The following FGF12 variants were observed in gnomAD, a reference collection of about 807,000 sequenced individuals.
FGF12 encodes the protein fibroblast growth factor 12.
Under a neutral mutation model 23.6 loss-of-function variants are expected in FGF12, and 14 were observed. That is an observed-to-expected ratio of 0.59 (90% CI 0.39 to 0.93). The LOEUF is 0.93. Among genes scored for constraint, FGF12 ranks in the 40% least tolerant of loss-of-function variants. The pLI, the probability that FGF12 is intolerant of heterozygous loss-of-function variation, is 0.00. For missense variants in FGF12, 175 were observed against 217.8 expected, an observed-to-expected ratio of 0.80 and a Z score of 1.24; for synonymous variants, 62 against 77.3, an observed-to-expected ratio of 0.80 and a Z score of 1.04.
At chr3:192,643,007 A>C (rs1715863872) in intron 2 of FGF12, among the ~76,000 whole-genome samples, 1 of 152,242 alleles carries the variant, frequency 6.6e-6, no homozygotes. Flanking sequence ...TACCAGCAGC[A>C]AATTACCTGG....
chr3:192,712,709 G>C (rs534332249), intron 2 of FGF12, among the ~76,000 whole-genome samples: 77 of 151,886 alleles, frequency 5.1e-4, no homozygotes, highest in African/African-American at 1.8e-3. Context: ...ATATGAAAAG[G>C]CTCAGAAATT....
At chr3:192,244,061 A>T (rs1719757665) in intron 4 of FGF12, among the ~76,000 whole-genome samples, 1 of 152,142 alleles carries the variant, frequency 6.6e-6, no homozygotes, top group Non-Finnish European at 1.5e-5. Flanking sequence ...AAATTACATA[A>T]CTCACTGTGC....
intron 2 of FGF12, among the ~76,000 whole-genome samples, chr3:192,685,918 T>C (rs1717715228): frequency 2.0e-5 from 3 of 152,240 alleles, no homozygotes; most frequent in Admixed American, 6.5e-5. Context: ...TCCAGGAGAA[T>C]ATACTGTAAG....
At chr3:192,227,580 T>TAAA (rs778525112) in intron 4 of FGF12, among the ~76,000 whole-genome samples, 3 of 60,270 alleles carry the variant, frequency 5.0e-5, no homozygotes, top group Non-Finnish European at 7.3e-5. Flanking sequence ...GAACTTAAAG[T>TAAA]AAAAAAAAAA....
intron 2 of FGF12, among the ~76,000 whole-genome samples, chr3:192,700,216 T>G (rs987177311): frequency 2.6e-5 from 4 of 152,174 alleles, no homozygotes; most frequent in African/African-American, 9.7e-5. Flanking sequence ...TCTTCTAAAC[T>G]GCAGTCCAAA....
At chr3:192,216,944 G>GA (rs564821519) in intron 4 of FGF12, among the ~76,000 whole-genome samples, 10 of 152,110 alleles carry the variant, frequency 6.6e-5, no homozygotes, top group Admixed American at 1.3e-4. Context: ...TGAATTAATC[G>GA]AATCAGGAAA....
In FGF12 at chr3:192,143,458, A is replaced by ACATAGTTTAT. The variant is rs1420688220; in HGVS notation, c.*541_*550dup. On this transcript the variant is annotated 3_prime_UTR_variant, in exon 6 of 6. Coordinates refer to ENST00000445105, the MANE Select transcript of FGF12 (RefSeq NM_004113.6). ...CTGGCTATATATTTTATAGGTATTA[A>ACATAGTTTAT]CATAGTTTATAATTTGGAAATGTTC... 1 of 152,216 alleles carries ACATAGTTTAT rather than the reference A, an allele frequency of 6.6e-6. No homozygotes were observed. Among genetic ancestry groups the ACATAGTTTAT allele is most frequent in the African/African-American group, 2.4e-5 (1 of 41,438 alleles). The allele number at this position is 152,216 out of a possible 1,614,324, so 9.4% of individuals were successfully genotyped here. A position where few individuals can be genotyped will look rare whatever the true frequency, so the allele number is the denominator to read the frequency against.
chr3:192,340,921 G>A (rs1009478379), intron 3 of FGF12, among the ~76,000 whole-genome samples: 1 of 152,058 alleles, frequency 6.6e-6, no homozygotes, highest in African/African-American at 2.4e-5. Flanking sequence ...CTTGGATAAC[G>A]AAAAGCACAG....
chr3:192,519,470 C>G (rs998442785), intron 2 of FGF12, among the ~76,000 whole-genome samples: 1 of 152,012 alleles, frequency 6.6e-6, no homozygotes, highest in African/African-American at 2.4e-5. Flanking sequence ...TACATGATGT[C>G]AGTTAGTGGT....
intron 4 of FGF12, among the ~76,000 whole-genome samples, chr3:192,291,154 T>C (rs974688557): frequency 6.6e-6 from 1 of 152,170 alleles, no homozygotes; most frequent in Non-Finnish European, 1.5e-5. Flanking sequence ...TTTACTACTA[T>C]TGAGTAGGAG....
intron 4 of FGF12, among the ~76,000 whole-genome samples, chr3:192,189,562 G>T (rs1252772129): frequency 6.6e-6 from 1 of 152,160 alleles, no homozygotes; most frequent in Non-Finnish European, 1.5e-5. Flanking sequence ...AGTGAAATGA[G>T]CTGTTAGAGT....
chr3:192,472,914 T>C (rs1723213350), intron 2 of FGF12, among the ~76,000 whole-genome samples: 1 of 152,194 alleles, frequency 6.6e-6, no homozygotes, highest in Admixed American at 6.5e-5. Flanking sequence ...ATAATTCCTA[T>C]CCCATTATTC....
chr3:192,515,334 A>C (rs369112783), intron 2 of FGF12: 11 of 151,350 alleles, frequency 7.3e-5, no homozygotes, highest in African/African-American at 2.7e-4. Flanking sequence ...CGGAGGCTGC[A>C]GAGCGTCAGA....
chr3:192,615,516 C>T (rs1714723391), intron 2 of FGF12, among the ~76,000 whole-genome samples: 1 of 151,994 alleles, frequency 6.6e-6, no homozygotes, highest in African/African-American at 2.4e-5. Context: ...CTATCCACTC[C>T]ACCCAAGTGG....
chr3:192,498,736 G>A (rs9820678), intron 2 of FGF12, among the ~76,000 whole-genome samples: 130,313 of 152,214 alleles, frequency 0.86, 56,106 homozygotes, highest in East Asian at 0.91. Context: ...CAGTCTGGAT[G>A]TTGGAGTCCA....
At chr3:192,522,497 C>T (rs1724847011) in intron 2 of FGF12, among the ~76,000 whole-genome samples, 1 of 152,144 alleles carries the variant, frequency 6.6e-6, no homozygotes, top group Admixed American at 6.5e-5. Flanking sequence ...AACCCTCATA[C>T]ATTCTTGGTA....
chr3:192,559,598 A>T (rs1342077025), intron 2 of FGF12, among the ~76,000 whole-genome samples: 1 of 152,050 alleles, frequency 6.6e-6, no homozygotes, highest in Non-Finnish European at 1.5e-5. Context: ...ATACATATGT[A>T]ACAAACCTGC....
At position 192,144,522 on chromosome 3, in the gene FGF12, C is replaced by G. The variant is rs551201564; in HGVS notation, c.428-395G>C. On this transcript the variant is annotated intron_variant, in intron 5 of 5. Transcript: ENST00000445105. ...AAATATTCATTTACATGTTGCTAAT[C>G]TTTACCCTACCATAGGAAATATAAT... is the stretch of plus-strand genomic sequence containing the variant. 2.6e-5 allele frequency among the ~76,000 whole-genome samples: 4 copies of G among 152,230 alleles called. No homozygotes were observed. The East Asian group carries it at 7.7e-4, about 29-fold the overall frequency.
At chr3:192,671,571 C>G (rs1717118001) in intron 2 of FGF12, among the ~76,000 whole-genome samples, 1 of 152,106 alleles carries the variant, frequency 6.6e-6, no homozygotes, top group Non-Finnish European at 1.5e-5. Flanking sequence ...TGTTTTGGGG[C>G]AAGTCCATAG....
Sources: gnomAD v4.1 joint callset for allele counts (sites outside exome capture counted in the v4.1 genomes callset) on GRCh38, gnomAD v4.1.1 for gene constraint, MANE v1.5 for transcripts, NCBI Gene and HGNC (gene_info 2026-07-23, HGNC 2026-07-21) for gene names.